The following RRAS2 variants were observed in gnomAD, a reference collection of about 807,000 sequenced individuals.
The protein encoded by RRAS2 is RAS related 2.
RRAS2 carries 7 observed loss-of-function variants against 27.6 expected under a neutral mutation model. The ratio of observed to expected loss-of-function variants is 0.25; its 90% CI spans 0.14 to 0.48. The LOEUF (loss-of-function observed/expected upper bound fraction) is 0.48, where lower values mean the gene tolerates loss of function less well. Among genes scored for constraint, RRAS2 ranks in the 20% least tolerant of loss-of-function variants. The probability of loss-of-function intolerance (pLI) is 0.99; values close to 1 mark genes in which losing one functional copy is unlikely to be tolerated. For missense variants in RRAS2, 178 were observed against 256.2 expected (o/e 0.69, Z 2.08); for synonymous variants, 86 against 90.9 (o/e 0.95, Z 0.31).
chr11:14,302,109 C>CACACACACACACACACAT lies in RRAS2; in HGVS notation c.109-6255_109-6254insATGTGTGTGTGTGTGTGT, dbSNP rs1415452446. 2.1e-3 allele frequency among the ~76,000 whole-genome samples: 296 copies of CACACACACACACACACAT among 139,014 alleles called. 2 individuals carry two copies. The highest frequency in any genetic ancestry group is 3.8e-3 in the Middle Eastern group (1 of 266). 91.2% of individuals were successfully genotyped at this position (139,014 alleles called of 152,430 possible). ...ACACACACACACACACACACACACA[C>CACACACACACACACACAT]ACCAAAAACCAAGACTAACAAATTT... On this transcript the variant is annotated intron_variant, in intron 1 of 5. Transcript: ENST00000256196.
intron 4 of RRAS2, among the ~76,000 whole-genome samples, chr11:14,293,870 TTG>T (rs1243327505): frequency 6.6e-6 from 1 of 152,174 alleles, no homozygotes; most frequent in African/African-American, 2.4e-5. Flanking sequence ...TACCAAAAAA[TTG>T]TTTTAACTAA....
intron 1 of RRAS2, among the ~76,000 whole-genome samples, chr11:14,330,978 G>A (rs1172114856): frequency 5.3e-5 from 8 of 152,254 alleles, no homozygotes; most frequent in East Asian, 3.9e-4. Context: ...GTGCACTGGC[G>A]TGATCATAGT....
intron 1 of RRAS2, 65 bp from the exon 2 acceptor site, chr11:14,295,920 T>TAGCTCACA: frequency 4.1e-6 from 6 of 1,472,198 alleles, no homozygotes; most frequent in Non-Finnish European, 4.7e-6. Flanking sequence ...ACACCTGTAA[T>TAGCTCACA]CCTATGCTCT....
Position 14,358,825 on chromosome 11 carries a change from G to T in RRAS2, c.46C>A (p.Arg16=). The change falls in exon 1 of 6, where the codon CGG becomes AGG. Residue 16 remains arginine, a synonymous_variant. Transcript: ENST00000256196. This position sits in a 1 kb window ranked among gnomAD's most constrained non-coding sequence, Gnocchi z 5.1. ...CCGCCCCCGCCGACCACCACGAGCC[G>T]GTACTTCTCCTGGCCGGAGCCGTCC... ...WRDGSGQEKY[R]LVVVGGGGVG... is the part of the protein sequence containing the mutation. The T allele has an allele frequency of 1.3e-6, 2 of 1,495,276 alleles. No individual in the cohort carries two copies. Among genetic ancestry groups the T allele is most frequent in the Non-Finnish European group, 9.0e-7 (1 of 1,116,172 alleles). The allele number at this position is 1,495,276 out of a possible 1,614,324, so 92.6% of individuals were successfully genotyped here.
At chr11:14,280,133 G>A (rs1554944087) in intron 5 of RRAS2, among the ~76,000 whole-genome samples, 1 of 152,044 alleles carries the variant, frequency 6.6e-6, no homozygotes, top group Non-Finnish European at 1.5e-5. Context: ...GGAAAGGGGG[G>A]TAAAATACAT....
intron 4 of RRAS2, among the ~76,000 whole-genome samples, chr11:14,288,883 G>A (rs1849734138): frequency 6.6e-6 from 1 of 152,148 alleles, no homozygotes; most frequent in South Asian, 2.1e-4. Context: ...CATCTATTAT[G>A]TAAAAAGAAT....
rs1352281287 is a variant in RRAS2, at chr11:14,358,133, C to T, written c.108+630G>A. On this transcript the variant is annotated intron_variant, in intron 1 of 5. Transcript: ENST00000256196. This position sits in a 1 kb window ranked among gnomAD's most constrained non-coding sequence, Gnocchi z 5.1. ...GAAATGGTCTCACCCCATCAGAGAA[C>T]ATTTTTAACTTCCTAGAAGCCACCA... 1 of 778,484 alleles carries T rather than the reference C, an allele frequency of 1.3e-6. No homozygotes were observed. Among genetic ancestry groups the T allele is most frequent in the Non-Finnish European group, 1.6e-6 (1 of 641,082 alleles). 48.2% of individuals were successfully genotyped at this position (778,484 alleles called of 1,614,324 possible).
At chr11:14,333,708 T>A (rs1554952194) in intron 1 of RRAS2, among the ~76,000 whole-genome samples, 1 of 143,002 alleles carries the variant, frequency 7.0e-6, no homozygotes, top group East Asian at 2.4e-4. Flanking sequence ...GTGGCAGCGA[T>A]CACAGCTCAC....
At chr11:14,319,384 C>T (rs575352512) in intron 1 of RRAS2, among the ~76,000 whole-genome samples, 2 of 128,392 alleles carry the variant, frequency 1.6e-5, no homozygotes, top group Non-Finnish European at 3.1e-5. Flanking sequence ...CGGAGTCTCG[C>T]TCTGTCGCCC....
intron 1 of RRAS2, among the ~76,000 whole-genome samples, chr11:14,326,509 T>A (rs1211138639): frequency 6.6e-6 from 1 of 152,288 alleles, no homozygotes; most frequent in African/African-American, 2.4e-5. Flanking sequence ...AGATTGTAAA[T>A]ATACAAACAT....
At chr11:14,283,120 T>A (rs1554944568) in intron 4 of RRAS2, among the ~76,000 whole-genome samples, 1 of 152,208 alleles carries the variant, frequency 6.6e-6, no homozygotes, top group Non-Finnish European at 1.5e-5. Context: ...AAGGCGTTTA[T>A]CAGGAATGGA....
upstream of RRAS2, among the ~76,000 whole-genome samples, chr11:14,360,297 T>C (rs1849173778): frequency 6.6e-6 from 1 of 152,002 alleles, no homozygotes; most frequent in Non-Finnish European, 1.5e-5. Flanking sequence ...TAATCGAGCC[T>C]TCCAATGACG....
chr11:14,281,560 A>G (rs1849536389), intron 5 of RRAS2, 42 bp downstream of exon 5: 1 of 1,450,990 alleles, frequency 6.9e-7, no homozygotes, highest in Non-Finnish European at 9.4e-7. Flanking sequence ...AACATTTAAT[A>G]GTAATTTATT....
At chr11:14,357,395 A>C (rs1344699679) in intron 1 of RRAS2, among the ~76,000 whole-genome samples, 1 of 152,060 alleles carries the variant, frequency 6.6e-6, no homozygotes, top group Non-Finnish European at 1.5e-5. Context: ...TCTGCGCCCT[A>C]GGGAAATAGC....
Position 14,279,232 on chromosome 11 carries a change from G to T in RRAS2, c.*105C>A. The T allele has an allele frequency of 1.2e-6, 1 of 817,210 alleles. No individual in the cohort carries two copies. The highest frequency in any genetic ancestry group is 1.5e-5 in the South Asian group (1 of 68,294). 50.6% of individuals were successfully genotyped at this position (817,210 alleles called of 1,614,324 possible). On this transcript the variant is annotated 3_prime_UTR_variant, in exon 6 of 6. Transcript: ENST00000256196. ...CTTCTTCGTCTAAGGCTAACATGGT[G>T]ATCATTTGTCTAAGGCTAGAAAGGT...
At chr11:14,284,256 T>C (rs1258843718) in intron 4 of RRAS2, among the ~76,000 whole-genome samples, 1 of 152,196 alleles carries the variant, frequency 6.6e-6, no homozygotes, top group Non-Finnish European at 1.5e-5. Context: ...TCATGATACT[T>C]TGTAATTTCC....
intron 1 of RRAS2, among the ~76,000 whole-genome samples, chr11:14,339,295 G>C (rs868936290): frequency 3.5e-3 from 73 of 21,002 alleles, no homozygotes; most frequent in African/African-American, 9.6e-3. Context: ...AAAAAAAAAG[G>C]GGGGGGGGGG....
intron 1 of RRAS2, among the ~76,000 whole-genome samples, chr11:14,333,589 C>T (rs1018189589): frequency 2.0e-5 from 3 of 152,130 alleles, no homozygotes; most frequent in Admixed American, 6.5e-5. Flanking sequence ...CTATGCTGTA[C>T]TGTGAATTTC....
chr11:14,295,467 G>A (rs1235966614), intron 2 of RRAS2, among the ~76,000 whole-genome samples: 1 of 152,176 alleles, frequency 6.6e-6, no homozygotes, highest in African/African-American at 2.4e-5. Context: ...CCAAAAGGTA[G>A]GAAGAGTTGA....
Sources: allele counts gnomAD v4.1 joint callset (sites outside exome capture counted in the v4.1 genomes callset), GRCh38; gene constraint gnomAD v4.1.1; non-coding constraint Gnocchi (gnomAD v3.1); transcripts MANE v1.5; gene names NCBI Gene and HGNC (gene_info 2026-07-23, HGNC 2026-07-21).